The following THADA variants were observed in gnomAD, a reference collection of about 807,000 sequenced individuals.
THADA encodes the protein tRNA (32-2'-O)-methyltransferase regulator THADA.
A neutral mutation model predicts 219.8 loss-of-function variants in THADA; 213 were observed. The observed-to-expected ratio is 0.97, with a 90% confidence interval of 0.87 to 1.09. THADA has a LOEUF of 1.09. THADA is among the 50% of genes least tolerant of loss of function. The pLI, the probability that THADA is intolerant of heterozygous loss-of-function variation, is 0.00. For synonymous variants in THADA, 1,018 were observed against 828.9 expected (o/e 1.23, Z -3.92); for missense variants, 2,956 against 2,311.3 (o/e 1.28, Z -5.72).
chr2:43,435,697 C>T (rs889448006), intron 26 of THADA, among the ~76,000 whole-genome samples: 1 of 149,616 alleles, frequency 6.7e-6, no homozygotes, highest in Non-Finnish European at 1.5e-5. Flanking sequence ...GCGACAGAAT[C>T]GCTTGAACCT....
rs771933467 is a variant in THADA, at chr2:43,529,759, C to T, written c.3265-1771G>A. ...TCCCAAGATATCTCAGATATGCTTACCTAGAAACACCTCCTATCTCAGCAT... is the reference window on the plus strand; with the variant it reads ...TCCCAAGATATCTCAGATATGCTTATCTAGAAACACCTCCTATCTCAGCAT... On this transcript the variant is annotated intron_variant, in intron 21 of 37. Coordinates refer to ENST00000405975, the MANE Select transcript of THADA (RefSeq NM_022065.5). 2.0e-5 allele frequency among the ~76,000 whole-genome samples: 3 copies of T among 152,280 alleles called. No homozygotes were observed. In the South Asian group the frequency reaches 6.2e-4, roughly 32 times the overall value.
intron 26 of THADA, among the ~76,000 whole-genome samples, chr2:43,475,120 C>A (rs944274323): frequency 2.6e-5 from 4 of 152,148 alleles, no homozygotes; most frequent in East Asian, 3.9e-4. Context: ...ATAATCCCAA[C>A]AAATTTAGAA....
intron 29 of THADA, among the ~76,000 whole-genome samples, chr2:43,356,891 C>T (rs1020162647): frequency 4.6e-5 from 7 of 152,182 alleles, no homozygotes; most frequent in African/African-American, 7.2e-5. Flanking sequence ...CATTCTTGTT[C>T]CACATGGATT....
At chr2:43,373,957 T>G (rs543424027) in intron 29 of THADA, among the ~76,000 whole-genome samples, 57 of 152,340 alleles carry the variant, frequency 3.7e-4, no homozygotes, top group African/African-American at 1.3e-3. Flanking sequence ...GATTTTACCT[T>G]TATGAAATTA....
At chr2:43,556,622 T>G (rs960513092) in intron 16 of THADA, 67 bp from the exon 17 acceptor site, 99 of 1,467,842 alleles carry the variant, frequency 6.7e-5, no homozygotes, top group Non-Finnish European at 7.5e-5. Flanking sequence ...AAATAGTAAA[T>G]TTTTTAAAAC....
At chr2:43,262,618 A>G (rs1431222872) in intron 36 of THADA, among the ~76,000 whole-genome samples, 1 of 152,276 alleles carries the variant, frequency 6.6e-6, no homozygotes, top group Admixed American at 6.5e-5. Context: ...TTTAAAAAGA[A>G]AACTCAATCT....
Position 43,232,793 on chromosome 2 carries a change from C to T in THADA, c.5386G>A (p.Ala1796Thr). 1.2e-6 allele frequency: 2 copies of T among 1,613,492 alleles called. No homozygotes were observed. Among genetic ancestry groups the T allele is most frequent in the East Asian group, 4.5e-5 (2 of 44,870 alleles). Residue 1796 changes from alanine to threonine, a missense_variant, in exon 37 of 38, where the codon GCC becomes ACC. Ala to Thr is a moderately conservative substitution (Grantham distance 58). Transcript: ENST00000405975. ...CCCAGCAGGATGGGCAGTCCAGGGGCCAACTGGTCCCACTGCTGGAGCAGA... is the reference window on the plus strand; with the variant it reads ...CCCAGCAGGATGGGCAGTCCAGGGGTCAACTGGTCCCACTGCTGGAGCAGA... ...CDLLQQWDQL[A>T]PGLPILLGWL...
At chr2:43,361,774 C>T (rs1164610324) in intron 29 of THADA, among the ~76,000 whole-genome samples, 1 of 152,172 alleles carries the variant, frequency 6.6e-6, no homozygotes, top group African/African-American at 2.4e-5. Context: ...TTAAGAAATA[C>T]ATTATTTGTT....
At chr2:43,269,463 G>A (rs980450503) in intron 36 of THADA, among the ~76,000 whole-genome samples, 5 of 152,168 alleles carry the variant, frequency 3.3e-5, no homozygotes, top group East Asian at 1.9e-4. Context: ...GATCGAAGAC[G>A]GGAGCATTAG....
intron 34 of THADA, among the ~76,000 whole-genome samples, chr2:43,290,980 C>G (rs963251743): frequency 1.3e-5 from 2 of 151,920 alleles, no homozygotes; most frequent in African/African-American, 4.8e-5. Context: ...TAAGCCTTAG[C>G]GATGTATTTG....
chr2:43,328,039 G>C (rs919493622), intron 30 of THADA, among the ~76,000 whole-genome samples: 6 of 152,090 alleles, frequency 3.9e-5, no homozygotes, highest in African/African-American at 1.4e-4. Flanking sequence ...TTTTGATGGA[G>C]GCCACATTAA....
rs1667369928 is a variant in THADA, at chr2:43,344,170, A to G, written c.4295T>C (p.Leu1432Pro). 1.2e-6 allele frequency: 2 copies of G among 1,612,772 alleles called. No homozygotes were observed. The highest frequency in any genetic ancestry group is 1.7e-6 in the Non-Finnish European group (2 of 1,179,472). ...HGTNSDFQHE[L>P]TDITVCTKAK... ...TTTGGTACAAACAGTGATGTCAGTC[A>G]GCTCGTGCTGGAAGTCTGAATTCGT... Residue 1432 changes from leucine to proline, a missense_variant, in exon 30 of 38, where the codon CTG becomes CCG. Coordinates refer to ENST00000405975, the MANE Select transcript of THADA (RefSeq NM_022065.5).
intron 26 of THADA, among the ~76,000 whole-genome samples, chr2:43,464,469 C>G (rs934577287): frequency 2.0e-5 from 3 of 152,136 alleles, no homozygotes; most frequent in Non-Finnish European, 4.4e-5. Context: ...TTATGTGCAT[C>G]TTTGTTTATG....
intron 24 of THADA, among the ~76,000 whole-genome samples, chr2:43,505,415 T>TA (rs1294460395): frequency 1.3e-5 from 2 of 152,032 alleles, no homozygotes; most frequent in Admixed American, 1.3e-4. Context: ...AACTTTTTGT[T>TA]AAAAAATAAA....
chr2:43,342,489 C>T (rs1667169083), intron 30 of THADA, among the ~76,000 whole-genome samples: 2 of 152,188 alleles, frequency 1.3e-5, no homozygotes, highest in Admixed American at 6.5e-5. Flanking sequence ...TTCCAGAGGG[C>T]TAACTTCCTT....
At chr2:43,304,489 C>A (rs1289853664) in intron 31 of THADA, among the ~76,000 whole-genome samples, 2 of 152,196 alleles carry the variant, frequency 1.3e-5, no homozygotes, top group Non-Finnish European at 2.9e-5. Flanking sequence ...TCTCAGAAGG[C>A]TCCTCATTCT....
chr2:43,256,299 C>T (rs528263836), intron 36 of THADA, among the ~76,000 whole-genome samples: 1 of 151,800 alleles, frequency 6.6e-6, no homozygotes, highest in African/African-American at 2.4e-5. Flanking sequence ...CACTTGAGCA[C>T]AGGAGTTTGA....
chr2:43,575,945 T>C (rs1699813136), intron 10 of THADA, among the ~76,000 whole-genome samples: 1 of 152,226 alleles, frequency 6.6e-6, no homozygotes, highest in African/African-American at 2.4e-5. Context: ...ACTTTTAAGA[T>C]GTTAAAACTT....
chr2:43,328,725 T>C (rs1270397044), intron 30 of THADA, among the ~76,000 whole-genome samples: 1 of 152,226 alleles, frequency 6.6e-6, no homozygotes, highest in Admixed American at 6.5e-5. Flanking sequence ...ACCAGGGTTC[T>C]GGGTAGGCAT....
Sources: allele counts gnomAD v4.1 joint callset (sites outside exome capture counted in the v4.1 genomes callset), GRCh38; gene constraint gnomAD v4.1.1; transcripts MANE v1.5; gene names NCBI Gene and HGNC (gene_info 2026-07-23, HGNC 2026-07-21).